Variants in ACSM2B observed in about 807,000 individuals in gnomAD.
ACSM2B encodes the protein acyl-coenzyme A synthetase ACSM2B, mitochondrial.
Under a neutral mutation model 78.6 loss-of-function variants are expected in ACSM2B, and 58 were observed. The observed-to-expected ratio is 0.74, with a 90% CI of 0.60 to 0.92. The LOEUF (loss-of-function observed/expected upper bound fraction) is 0.92. Among genes scored for constraint, ACSM2B ranks in the 40% least tolerant of loss-of-function variants. The pLI is 0.00. For missense variants in ACSM2B, 688 were observed against 711.2 expected (o/e 0.97, Z 0.37); for synonymous variants, 257 against 256.8 (o/e 1.00, Z -0.01).
Position 20,536,884 on chromosome 16 carries a change from AATT to A in ACSM2B, c.*371_*373del, listed in dbSNP as rs1204880348. On this transcript the variant is annotated 3_prime_UTR_variant, in exon 14 of 14. Transcript: ENST00000329697. ...TCTTTATTTTTCTGATTCTCCCTTC[AATT>A]ATTTTTCTTCTATCTTTTCTCCCCC... 1 of 161,994 alleles carries A rather than the reference AATT, an allele frequency of 6.2e-6. No homozygotes were observed. The highest frequency in any genetic ancestry group is 2.5e-5 in the African/African-American group (1 of 39,802). The allele number at this position is 161,994 out of a possible 1,614,324, so 10.0% of individuals were successfully genotyped here.
In ACSM2B at chr16:20,558,335, C is replaced by T. The variant is rs36096699; in HGVS notation, c.388+902G>A. The stretch of plus-strand genomic sequence containing the variant: ...TCCCCAGCCAAACCAATCAGCATTT[C>T]CTATTCCCTAGCCCCCTGCATGCCA... On this transcript the variant is annotated intron_variant, in intron 3 of 13. Coordinates refer to ENST00000329697, the MANE Select transcript of ACSM2B (RefSeq NM_001105069.2). 3.9e-4 allele frequency among the ~76,000 whole-genome samples: 52 copies of T among 133,128 alleles called. 1 individual carries two copies. Among genetic ancestry groups the T allele is most frequent in the Admixed American group, 3.4e-3 (44 of 13,054 alleles). 87.3% of individuals were successfully genotyped at this position (133,128 alleles called of 152,430 possible).
intron 12 of ACSM2B, 137 bp downstream of exon 12, chr16:20,542,777 G>A: frequency 1.7e-6 from 2 of 1,182,232 alleles, no homozygotes; most frequent in Non-Finnish European, 2.4e-6. Flanking sequence ...CTTACCCAAG[G>A]TCACATAGCT....
At chr16:20,569,959 G>A (rs1165336387) in intron 1 of ACSM2B, among the ~76,000 whole-genome samples, 1 of 151,816 alleles carries the variant, frequency 6.6e-6, no homozygotes, top group Non-Finnish European at 1.5e-5. Context: ...GAGTTCTTTG[G>A]AGGAGTCTTT....
intron 10 of ACSM2B, chr16:20,544,863 G>T: frequency 9.4e-7 from 1 of 1,068,378 alleles, no homozygotes. Context: ...GAATGGTGCT[G>T]TGTATAGTTC....
Position 20,552,291 on chromosome 16 carries a change from T to G in ACSM2B, c.747A>C (p.Thr249=). ...ACATTATATCAGAGGCTTGCAGGCC[T>G]GTCCAACTGAAAACACAGACAAAAC... is the stretch of plus-strand genomic sequence containing the variant. ...GLKAKMDAGW[T]GLQASDIMWT... The change falls in exon 6 of 14, where the codon ACA becomes ACC. Residue 249 remains threonine, a synonymous_variant. Transcript: ENST00000329697. 6.2e-7 allele frequency: 1 copy of G among 1,608,422 alleles called. No homozygotes were observed. The highest frequency in any genetic ancestry group is 8.5e-7 in the Non-Finnish European group (1 of 1,178,048).
chr16:20,562,599 C>T (rs1174714225), intron 2 of ACSM2B, among the ~76,000 whole-genome samples: 1 of 152,106 alleles, frequency 6.6e-6, no homozygotes, highest in East Asian at 1.9e-4. Flanking sequence ...TTCCTGAAAC[C>T]AACTCCCTTC....
intron 2 of ACSM2B, 120 bp from the exon 3 acceptor site, chr16:20,559,567 T>C: frequency 5.9e-6 from 8 of 1,366,574 alleles, no homozygotes; most frequent in Non-Finnish European, 7.8e-6. Context: ...AGCACCTCCA[T>C]ACAATCATAA....
At chr16:20,553,660 ATT>A in intron 5 of ACSM2B, 115 bp downstream of exon 5, 1 of 1,474,954 alleles carries the variant, frequency 6.8e-7, no homozygotes, top group Non-Finnish European at 9.1e-7. Flanking sequence ...TTCCTTCTGA[ATT>A]TTCTTTCTCA....
chr16:20,574,821 A>G (rs1293668098), intron 1 of ACSM2B, among the ~76,000 whole-genome samples: 2 of 150,866 alleles, frequency 1.3e-5, no homozygotes, highest in Non-Finnish European at 1.5e-5. Flanking sequence ...ACTCAGGGCA[A>G]TCTTGGCAGA....
chr16:20,546,314 T>G, intron 9 of ACSM2B, 80 bp downstream of exon 9: 3 of 1,523,112 alleles, frequency 2.0e-6, no homozygotes, highest in Non-Finnish European at 2.7e-6. Context: ...TATTTTTGAC[T>G]CAATAAACAA....
chr16:20,563,288 CTT>C (rs1265368443), intron 2 of ACSM2B, among the ~76,000 whole-genome samples: 2 of 152,008 alleles, frequency 1.3e-5, no homozygotes, highest in Admixed American at 6.6e-5. Flanking sequence ...TTTGAGTTCA[CTT>C]TTTTGTGAAC....
intron 2 of ACSM2B, among the ~76,000 whole-genome samples, chr16:20,562,253 C>T (rs11864377): frequency 0.019 from 2,857 of 152,156 alleles, 89 homozygotes; most frequent in African/African-American, 0.065. Flanking sequence ...CACAAGGGTT[C>T]TAATTTCTCT....
At chr16:20,548,961 C>A (rs2015225477) in intron 6 of ACSM2B, among the ~76,000 whole-genome samples, 1 of 152,188 alleles carries the variant, frequency 6.6e-6, no homozygotes, top group African/African-American at 2.4e-5. Flanking sequence ...CTAAAGACAT[C>A]TATAGACATT....
chr16:20,540,901 G>A, intron 12 of ACSM2B, 128 bp from the exon 13 acceptor site: 3 of 1,391,172 alleles, frequency 2.2e-6, no homozygotes, highest in Non-Finnish European at 9.6e-7. Flanking sequence ...GGTGATCCAG[G>A]TCAAGGGAAA....
intron 4 of ACSM2B, 58 bp from the exon 5 acceptor site, chr16:20,553,978 G>A: frequency 6.2e-7 from 1 of 1,608,254 alleles, no homozygotes; most frequent in Non-Finnish European, 8.5e-7. Flanking sequence ...AGATATCAAA[G>A]TGACCCATCT....
Position 20,559,323 on chromosome 16 carries a change from C to T in ACSM2B, c.302G>A (p.Cys101Tyr). The change falls in exon 3 of 14, where the codon TGT (cysteine) becomes TAT (tyrosine). Residue 101 changes from cysteine (C) to tyrosine (Y), a missense_variant. Coordinates refer to ENST00000329697, the MANE Select transcript of ACSM2B (RefSeq NM_001105069.2). ...CACACGATCCCCACGCTGCAGGCCA[C>T]AGGCTCCCGAGAGGATGTTGGCTGC... The part of the protein sequence containing the change: ...QQAANILSGA[C>Y]GLQRGDRVAV... 2 of 1,612,246 alleles carry T rather than the reference C, an allele frequency of 1.2e-6. No homozygotes were observed. Among genetic ancestry groups the T allele is most frequent in the Non-Finnish European group, 1.7e-6 (2 of 1,179,210 alleles).
intron 10 of ACSM2B, 53 bp downstream of exon 10, chr16:20,545,104 T>A: frequency 6.4e-7 from 1 of 1,570,776 alleles, no homozygotes; most frequent in Admixed American, 1.7e-5. Context: ...CTCATCCCGT[T>A]TAGTGCTCCC....
In ACSM2B at chr16:20,555,389, G is replaced by C; in HGVS notation, c.476C>G (p.Ala159Gly). Residue 159 changes from alanine to glycine, a missense_variant, in exon 4 of 14, where the codon GCT becomes GGT. Transcript: ENST00000329697. The stretch of plus-strand genomic sequence containing the variant: ...CACTTCTTGGATGACTTCATCCCCA[G>C]CAACAATAGCCTTGGCCTTAGACAT... Reference protein sequence around the residue: ...LQMSKAKAIVAGDEVIQEVDT... With the variant: ...LQMSKAKAIVGGDEVIQEVDT... The C allele has an allele frequency of 6.2e-7, 1 of 1,613,928 alleles. No individual in the cohort carries two copies.
At chr16:20,548,028 G>T (rs562410952) in intron 8 of ACSM2B, 34 bp downstream of exon 8, 2 of 1,610,164 alleles carry the variant, frequency 1.2e-6, no homozygotes, top group Middle Eastern at 1.7e-4. Context: ...CCCAAAAAGT[G>T]CACACAGCCC....
Sources: gnomAD v4.1 joint callset for allele counts (sites outside exome capture counted in the v4.1 genomes callset) on GRCh38, gnomAD v4.1.1 for gene constraint, MANE v1.5 for transcripts, NCBI Gene and HGNC (gene_info 2026-07-23, HGNC 2026-07-21) for gene names.